The following PPARGC1A variants were observed in gnomAD, a reference collection of about 807,000 sequenced individuals.
PPARGC1A encodes the protein PPARG coactivator 1 alpha, also known as peroxisome proliferator-activated receptor gamma coactivator 1-alpha.
PPARGC1A carries 25 observed loss-of-function variants against 88.7 expected under a neutral mutation model. The observed-to-expected ratio is 0.28, with a 90% CI of 0.21 to 0.39. The LOEUF (loss-of-function observed/expected upper bound fraction) is 0.39, where lower values mean the gene tolerates loss of function less well. Ranked by LOEUF, PPARGC1A falls within the 10% of genes least tolerant of loss-of-function variation. The pLI is 1.00. For missense variants in PPARGC1A, 880 were observed against 968.7 expected (o/e 0.91, Z 1.22); for synonymous variants, 363 against 355.6 (o/e 1.02, Z -0.24).
At chr4:24,321,575 G>A in the PPARGC1A span, among the ~76,000 whole-genome samples, 2 of 152,130 alleles carry the variant, frequency 1.3e-5, no homozygotes, top group East Asian at 1.9e-4. Context: ...CTACCCTGCC[G>A]GAACTACTTT....
At chr4:23,995,186 G>C in the PPARGC1A span, among the ~76,000 whole-genome samples, 1 of 152,078 alleles carries the variant, frequency 6.6e-6, no homozygotes. Flanking sequence ...GGTTTTGGTG[G>C]GTCCTGTTAA....
the PPARGC1A span, among the ~76,000 whole-genome samples, chr4:23,966,424 A>G: frequency 1.3e-5 from 2 of 152,224 alleles, no homozygotes; most frequent in Admixed American, 6.5e-5. Context: ...AATCAATTTA[A>G]ATGTAAATAA....
chr4:23,831,535 A>G, intron 3 of PPARGC1A, 22 bp downstream of exon 3: 1 of 1,598,174 alleles, frequency 6.3e-7, no homozygotes, highest in Non-Finnish European at 8.6e-7. Context: ...AATTCCTGCT[A>G]AACAGTAGGA....
chr4:24,126,680 G>A, the PPARGC1A span, among the ~76,000 whole-genome samples: 2 of 152,134 alleles, frequency 1.3e-5, no homozygotes, highest in Non-Finnish European at 2.9e-5. Flanking sequence ...GTCAGCAAGT[G>A]TGGAAAAAGG....
chr4:24,286,559 C>A, the PPARGC1A span, among the ~76,000 whole-genome samples: 1 of 152,128 alleles, frequency 6.6e-6, no homozygotes, highest in African/African-American at 2.4e-5. Flanking sequence ...GCCAGAGCAG[C>A]CATCCAAGCC....
chr4:24,191,695 A>C, the PPARGC1A span, among the ~76,000 whole-genome samples: 1 of 152,226 alleles, frequency 6.6e-6, no homozygotes, highest in Non-Finnish European at 1.5e-5. Context: ...AAAGGCAAAA[A>C]GTAATTTCAT....
chr4:24,275,251 T>G, the PPARGC1A span, among the ~76,000 whole-genome samples: 23 of 152,316 alleles, frequency 1.5e-4, no homozygotes, highest in Non-Finnish European at 3.2e-4. Context: ...ACAACTCTAC[T>G]GGCATCAGCA....
At chr4:24,432,138 CAG>C in the PPARGC1A span, among the ~76,000 whole-genome samples, 1 of 151,906 alleles carries the variant, frequency 6.6e-6, no homozygotes, top group Non-Finnish European at 1.5e-5. Flanking sequence ...GTGAATAAGA[CAG>C]AGGAAAGAAA....
chr4:23,842,134 A>T (rs1727167177), intron 2 of PPARGC1A, among the ~76,000 whole-genome samples: 1 of 152,140 alleles, frequency 6.6e-6, no homozygotes, highest in South Asian at 2.1e-4. Context: ...AGAATGACAT[A>T]GCATGCATTT....
the PPARGC1A span, among the ~76,000 whole-genome samples, chr4:24,262,343 G>A: frequency 1.3e-5 from 2 of 152,348 alleles, no homozygotes; most frequent in African/African-American, 4.8e-5. Context: ...TGCCCAAGGA[G>A]TGGACTTCAC....
chr4:23,950,437 G>T, the PPARGC1A span, among the ~76,000 whole-genome samples: 3 of 152,068 alleles, frequency 2.0e-5, no homozygotes, highest in African/African-American at 7.2e-5. Context: ...GCTGCAGGAG[G>T]TAACAAGCAT....
At chr4:24,017,121 C>T in the PPARGC1A span, among the ~76,000 whole-genome samples, 3 of 152,104 alleles carry the variant, frequency 2.0e-5, no homozygotes, top group Non-Finnish European at 2.9e-5. Flanking sequence ...CCACATCAGC[C>T]CTTTATCGCC....
At chr4:23,797,564 A>T (rs1335243210) in intron 12 of PPARGC1A, among the ~76,000 whole-genome samples, 2 of 152,200 alleles carry the variant, frequency 1.3e-5, no homozygotes, top group African/African-American at 4.8e-5. Flanking sequence ...TATTCTAAGC[A>T]AACTCTAGAA....
the PPARGC1A span, among the ~76,000 whole-genome samples, chr4:23,978,227 T>A: frequency 8.5e-5 from 13 of 152,346 alleles, no homozygotes; most frequent in Non-Finnish European, 2.9e-5. Context: ...TGAGGTCACC[T>A]CATCATCCTT....
chr4:24,333,817 C>T, the PPARGC1A span, among the ~76,000 whole-genome samples: 1 of 151,128 alleles, frequency 6.6e-6, no homozygotes, highest in African/African-American at 2.4e-5. Context: ...GCCTGTAACC[C>T]CATCTACTCA....
chr4:24,366,281 C>A, the PPARGC1A span, among the ~76,000 whole-genome samples: 1 of 152,136 alleles, frequency 6.6e-6, no homozygotes, highest in African/African-American at 2.4e-5. Context: ...GTAGCTTGCT[C>A]CTTAAATCTT....
the PPARGC1A span, among the ~76,000 whole-genome samples, chr4:24,324,103 T>G: frequency 2.3e-4 from 35 of 152,304 alleles, no homozygotes; most frequent in South Asian, 7.3e-3. Flanking sequence ...CCTCTGTGAT[T>G]ATACACCCAC....
chr4:24,114,984 C>T, the PPARGC1A span, among the ~76,000 whole-genome samples: 44 of 152,218 alleles, frequency 2.9e-4, 2 homozygotes, highest in East Asian at 8.3e-3. Flanking sequence ...AGCCACTATG[C>T]TTGCGACAAA....
At chr4:24,222,449 T>A in the PPARGC1A span, among the ~76,000 whole-genome samples, 1 of 152,216 alleles carries the variant, frequency 6.6e-6, no homozygotes, top group Non-Finnish European at 1.5e-5. Context: ...GTGTGAGAAT[T>A]TGATGAGCTA....
Sources: gnomAD v4.1 joint callset for allele counts (sites outside exome capture counted in the v4.1 genomes callset) on GRCh38, gnomAD v4.1.1 for gene constraint, MANE v1.5 for transcripts, NCBI Gene and HGNC (gene_info 2026-07-23, HGNC 2026-07-21) for gene names.